The following FAM83H variants were observed in gnomAD, a reference collection of about 807,000 sequenced individuals.
FAM83H encodes protein FAM83H.
In FAM83H, 24 loss-of-function variants were observed where a neutral mutation model predicts 30.2. The ratio of observed to expected loss-of-function variants is 0.79; its 90% CI spans 0.57 to 1.12. FAM83H has a LOEUF of 1.12. Among genes scored for constraint, FAM83H ranks in the 50% most tolerant of loss-of-function variants. The pLI is 0.00. For missense variants in FAM83H, 2,038 were observed against 1,773.9 expected (o/e 1.15, Z -2.67); for synonymous variants, 1,013 against 821.7 (o/e 1.23, Z -3.98).
intron 1 of FAM83H, 62 bp from the exon 2 acceptor site, chr8:143,730,659 G>A: frequency 1.7e-6 from 2 of 1,179,548 alleles, no homozygotes; most frequent in Non-Finnish European, 2.3e-6. Flanking sequence ...CTACCCTCGA[G>A]CATGGACACA....
chr8:143,726,130 C>G lies in FAM83H; in HGVS notation c.3331G>C (p.Ala1111Pro), dbSNP rs782486096. Residue 1111 changes from alanine to proline, a missense_variant, in exon 5 of 5, where the codon GCC becomes CCC. Transcript: ENST00000388913. ...AGCCGATCGCGCTCCTCCGCGCTGG[C>G]TGGCAGCGTGCGGCTCAGCCGGCCC... is the stretch of plus-strand genomic sequence containing the variant. ...TQGRLSRTLP[A>P]SAEERDRLLR... 6 of 1,611,526 alleles carry G rather than the reference C, an allele frequency of 3.7e-6. No homozygotes were observed. The South Asian group carries it at 6.6e-5, about 18-fold the overall frequency.
At position 143,728,180 on chromosome 8, in the gene FAM83H, C is replaced by T. The variant is rs782489938; in HGVS notation, c.1281G>A (p.Arg427=). Residue 427 remains arginine, a synonymous_variant, in exon 5 of 5, where the codon CGG becomes CGA. Transcript: ENST00000388913. ...TGAGGAACGTCTGCCGCGACACCTGCCGCGCGGCCGCGAAGTTCTCCACGG... is the reference window on the plus strand; with the variant it reads ...TGAGGAACGTCTGCCGCGACACCTGTCGCGCGGCCGCGAAGTTCTCCACGG... ...AGAVENFAAA[R]QVSRQTFLSH... The T allele has an allele frequency of 2.6e-5, 41 of 1,605,864 alleles. No homozygotes were observed. The South Asian group carries it at 4.3e-4, about 17-fold the overall frequency.
intron 4 of FAM83H, 39 bp from the exon 5 acceptor site, chr8:143,728,762 G>A: frequency 1.3e-6 from 2 of 1,598,528 alleles, no homozygotes; most frequent in African/African-American, 1.3e-5. Flanking sequence ...CCGAGCTGGA[G>A]CGAGGGCACT....
chr8:143,731,415 CT>C, intron 1 of FAM83H: 1 of 985,356 alleles, frequency 1.0e-6, no homozygotes, highest in African/African-American at 1.7e-5. Flanking sequence ...TGTGACTACC[CT>C]CCTCCTGGAA....
In FAM83H at chr8:143,733,194, G is replaced by A. The variant is rs1283417043; in HGVS notation, c.-16+497C>T. ...TACGAGCTCGCGGCTGCGGCCGCTG[G>A]GTGCCCTATCCGCCCACCCCAGCCC... is the stretch of plus-strand genomic sequence containing the variant. On this transcript the variant is annotated intron_variant, in intron 1 of 4. Transcript: ENST00000388913. The surrounding 1 kb of genome is among the most constrained non-coding windows in gnomAD (Gnocchi z 5.6). 6.5e-6 allele frequency: 1 copy of A among 152,846 alleles called. No individual in the cohort carries two copies. Among genetic ancestry groups the A allele is most frequent in the Admixed American group, 6.5e-5 (1 of 15,286 alleles). 9.5% of individuals were successfully genotyped at this position (152,846 alleles called of 1,614,324 possible).
chr8:143,726,119 C>G lies in FAM83H; in HGVS notation c.3342G>C (p.Glu1114Asp), dbSNP rs545462428. The G allele has an allele frequency of 3.7e-6, 6 of 1,611,494 alleles. No individual in the cohort carries two copies. In the South Asian group the frequency reaches 6.6e-5, roughly 18 times the overall value. Residue 1114 changes from glutamate to aspartate, a missense_variant, in exon 5 of 5, where the codon GAG becomes GAC. By Grantham distance (45) the Glu-to-Asp change is conservative. Transcript: ENST00000388913. ...RLSRTLPASA[E>D]ERDRLLRRME... Reference sequence around the variant, plus strand: ...TGCGGCGCAGCAGCCGATCGCGCTCCTCCGCGCTGGCTGGCAGCGTGCGGC... The same window carrying G: ...TGCGGCGCAGCAGCCGATCGCGCTCGTCCGCGCTGGCTGGCAGCGTGCGGC...
rs782304517 is a variant in FAM83H, at chr8:143,726,029, C to T, written c.3432G>A (p.Glu1144=). The T allele has an allele frequency of 1.2e-6, 2 of 1,612,794 alleles. No individual in the cohort carries two copies. The highest frequency in any genetic ancestry group is 2.2e-5 in the South Asian group (2 of 91,038). The change falls in exon 5 of 5, where the codon GAG becomes GAA. Residue 1144 remains glutamate, a synonymous_variant. Transcript: ENST00000388913. The stretch of plus-strand genomic sequence containing the variant: ...CTTCCCCTGCCCCAGGGCTGCTGGC[C>T]TCCTCTTTCTTGCAGAAGACCTCGA... ...SRFEVFCKKE[E]ASSPGAGEGP... is the part of the protein sequence containing the mutation.
chr8:143,728,647 C>G lies in FAM83H; in HGVS notation c.814G>C (p.Glu272Gln). Residue 272 changes from glutamate (E) to glutamine (Q), a missense_variant, in exon 5 of 5, where the codon GAG becomes CAG. Glu to Gln is a conservative substitution (Grantham distance 29). Transcript: ENST00000388913. Reference sequence around the variant, plus strand: ...TGCGCGAAGAGGATGCGGAACTCCTCGTCGAAGCTGGAGACCAGCTCTCCT... The same window carrying G: ...TGCGCGAAGAGGATGCGGAACTCCTGGTCGAAGCTGGAGACCAGCTCTCCT... The part of the protein sequence containing the change: ...FQGELVSSFD[E>Q]EFRILFAQSE... 2 of 1,606,922 alleles carry G rather than the reference C, an allele frequency of 1.2e-6. No homozygotes were observed. The highest frequency in any genetic ancestry group is 1.7e-6 in the Non-Finnish European group (2 of 1,179,890).
chr8:143,728,913 G>C, intron 4 of FAM83H, 54 bp downstream of exon 4: 2 of 1,612,030 alleles, frequency 1.2e-6, no homozygotes, highest in Non-Finnish European at 1.7e-6. Flanking sequence ...AGGGGGTGCT[G>C]GGGTTACAGG....
rs868943165 is a variant in FAM83H, at chr8:143,728,308, C to G, written c.1153G>C (p.Gly385Arg). The part of the protein sequence containing the change: ...PLSRRLEAEA[G>R]PAGELAGARG... ...GCGCCCGCGAGCTCCCCAGCCGGCC[C>G]GGCCTCGGCCTCCAGGCGCCGCGAG... The change falls in exon 5 of 5, where the codon GGG becomes CGG. Residue 385 changes from glycine to arginine, a missense_variant. Gly to Arg is a moderately radical substitution (Grantham distance 125). Transcript: ENST00000388913. 1 of 1,436,810 alleles carries G rather than the reference C, an allele frequency of 7.0e-7. No individual in the cohort carries two copies. Among genetic ancestry groups the G allele is most frequent in the South Asian group, 1.5e-5 (1 of 68,674 alleles). 89.0% of individuals were successfully genotyped at this position (1,436,810 alleles called of 1,614,324 possible).
In FAM83H at chr8:143,727,624, C is replaced by T. The variant is rs782161751; in HGVS notation, c.1837G>A (p.Val613Met). 3.8e-6 allele frequency: 6 copies of T among 1,580,848 alleles called. No homozygotes were observed. The highest frequency in any genetic ancestry group is 3.4e-5 in the South Asian group (3 of 88,614). The change falls in exon 5 of 5, where the codon GTG (valine) becomes ATG (methionine). Residue 613 changes from valine to methionine, a missense_variant. By Grantham distance (21) the Val-to-Met change is conservative (BLOSUM62 1). Coordinates refer to ENST00000388913, the MANE Select transcript of FAM83H (RefSeq NM_198488.5). ...GGTGCCCGGCCCCCGGGAGCCAGCA[C>T]GTCGTCTTCGTAAGCCTCCGCTTCC... is the stretch of plus-strand genomic sequence containing the variant. ...PMEAEAYEDDVLAPGGRAPAG... is the reference protein window; with the variant it reads ...PMEAEAYEDDMLAPGGRAPAG...
chr8:143,731,397 A>G, intron 1 of FAM83H: 1 of 985,300 alleles, frequency 1.0e-6, no homozygotes, highest in South Asian at 4.7e-5. Context: ...GAGCGCAGCA[A>G]ACAGGGCTGT....
chr8:143,731,840 G>A (rs1462521975), intron 1 of FAM83H: 10 of 985,330 alleles, frequency 1.0e-5, no homozygotes, highest in African/African-American at 1.7e-5. Context: ...TCCCTGCGGG[G>A]GCCTGGCCTC....
chr8:143,727,485 T>C lies in FAM83H; in HGVS notation c.1976A>G (p.Glu659Gly), dbSNP rs782819198. The C allele has an allele frequency of 7.0e-6, 11 of 1,569,442 alleles. No individual in the cohort carries two copies. The East Asian group carries it at 2.1e-4, about 29-fold the overall frequency. The change falls in exon 5 of 5, where the codon GAG (glutamate) becomes GGG (glycine). Residue 659 changes from glutamate to glycine, a missense_variant. By Grantham distance (98) the Glu-to-Gly change is moderately conservative. Coordinates refer to ENST00000388913, the MANE Select transcript of FAM83H (RefSeq NM_198488.5). The part of the protein sequence containing the change: ...GNGPEREGPE[E>G]PGLAKQDSFR... Reference sequence around the variant, plus strand: ...TGAGTCCTGCTTGGCCAGGCCAGGCTCCTCCGGGCCCTCGCGCTCTGGGCC... The same window carrying C: ...TGAGTCCTGCTTGGCCAGGCCAGGCCCCTCCGGGCCCTCGCGCTCTGGGCC...
chr8:143,726,314 G>T lies in FAM83H; in HGVS notation c.3147C>A (p.Ala1049=). ...GGACCGCACGGTGCTTCTGGCCGTG[G>T]GCACTGATCTGCTCCAGAATGGCCT... ...DTKAILEQIS[A]HGQKHRAVPA... is the part of the protein sequence containing the mutation. Residue 1049 remains alanine (A), a synonymous_variant, in exon 5 of 5, where the codon GCC becomes GCA. Transcript: ENST00000388913. 1 of 1,612,240 alleles carries T rather than the reference G, an allele frequency of 6.2e-7. No individual in the cohort carries two copies. Among genetic ancestry groups the T allele is most frequent in the South Asian group, 1.1e-5 (1 of 91,016 alleles).
At position 143,724,404 on chromosome 8, in the gene FAM83H, G is replaced by T. The variant is rs1818206406; in HGVS notation, c.*1517C>A. On this transcript the variant is annotated 3_prime_UTR_variant, in exon 5 of 5. Coordinates refer to ENST00000388913, the MANE Select transcript of FAM83H (RefSeq NM_198488.5). Reference sequence around the variant, plus strand: ...AAGAAATAGGAGAATACAGAAACATGAATTTCACGAGGCTATCATCTAACA... The same window carrying T: ...AAGAAATAGGAGAATACAGAAACATTAATTTCACGAGGCTATCATCTAACA... 2 of 152,214 alleles carry T rather than the reference G, an allele frequency of 1.3e-5. No homozygotes were observed. The allele number at this position is 152,214 out of a possible 1,614,324, so 9.4% of individuals were successfully genotyped here.
rs1554621276 is a variant in FAM83H at position 143,725,360 on chromosome 8, C to T, written c.*561G>A. 6.1e-6 allele frequency: 1 copy of T among 164,852 alleles called. No individual in the cohort carries two copies. Among genetic ancestry groups the T allele is most frequent in the Non-Finnish European group, 1.3e-5 (1 of 75,332 alleles). 10.2% of individuals were successfully genotyped at this position (164,852 alleles called of 1,614,324 possible). A position where few individuals can be genotyped will look rare whatever the true frequency, so the allele number is the denominator to read the frequency against. ...CCTGTAATCCCCCCACTTTGGGAGG[C>T]TGAAGCGGGCTGATCATTTGAGGCC... is the stretch of plus-strand genomic sequence containing the variant. On this transcript the variant is annotated 3_prime_UTR_variant, in exon 5 of 5. Transcript: ENST00000388913.
At chr8:143,728,792 G>T in intron 4 of FAM83H, 69 bp from the exon 5 acceptor site, 4 of 1,597,990 alleles carry the variant, frequency 2.5e-6, no homozygotes, top group Non-Finnish European at 3.4e-6. Flanking sequence ...TGGGCAGCGG[G>T]TGGGGCGCGG....
chr8:143,726,523 G>A lies in FAM83H; in HGVS notation c.2938C>T (p.Arg980Cys), dbSNP rs200636666. 53 of 1,605,882 alleles carry A rather than the reference G, an allele frequency of 3.3e-5. 1 individual carries two copies. The Middle Eastern group carries it at 8.2e-4, about 25-fold the overall frequency. Reference sequence around the variant, plus strand: ...GGGAAGCCACCCTCATCCTCCATGCGCCGCTCGCCCTTGGGGCTCAGCAGC... The same window carrying A: ...GGGAAGCCACCCTCATCCTCCATGCACCGCTCGCCCTTGGGGCTCAGCAGC... ...RQLLSPKGER[R>C]MEDEGGFPVP... is the part of the protein sequence containing the mutation. The change falls in exon 5 of 5, where the codon CGC becomes TGC. Residue 980 changes from arginine (R) to cysteine (C), a missense_variant. By Grantham distance (180) the Arg-to-Cys change is radical. Coordinates refer to ENST00000388913, the MANE Select transcript of FAM83H (RefSeq NM_198488.5).
Sources: gnomAD v4.1 joint callset for allele counts on GRCh38, gnomAD v4.1.1 for gene constraint, Gnocchi (gnomAD v3.1) non-coding constraint, MANE v1.5 for transcripts, NCBI Gene and HGNC (gene_info 2026-07-23, HGNC 2026-07-21) for gene names.